POMZP3: variants seen among roughly 807,000 people sequenced by gnomAD.
The protein encoded by POMZP3 is POM121 and ZP3 fusion protein.
POMZP3 carries 10 observed loss-of-function variants against 19.8 expected under a neutral mutation model. The observed-to-expected ratio is 0.51, with a 90% CI of 0.31 to 0.86. The LOEUF is 0.86. Ranked by LOEUF, POMZP3 falls within the 40% of genes least tolerant of loss-of-function variation. POMZP3 has a pLI of 0.04. For synonymous variants in POMZP3, 57 were observed against 85.8 expected, an observed-to-expected ratio of 0.66 and a Z score of 1.85; for missense variants, 152 against 228.1, an observed-to-expected ratio of 0.67 and a Z score of 2.15.
At chr7:76,618,875 C>T (rs1220331508) in intron 3 of POMZP3, among the ~76,000 whole-genome samples, 5 of 151,876 alleles carry the variant, frequency 3.3e-5, no homozygotes, top group African/African-American at 9.7e-5. Flanking sequence ...GCAGCCTCGA[C>T]CTCCTGGGTT....
At chr7:76,625,052 G>A (rs1374491246) in intron 3 of POMZP3, among the ~76,000 whole-genome samples, 3 of 145,040 alleles carry the variant, frequency 2.1e-5, no homozygotes, top group Non-Finnish European at 4.5e-5. Flanking sequence ...AGAATGGCAT[G>A]AACCTGGGAG....
intron 4 of POMZP3, among the ~76,000 whole-genome samples, chr7:76,617,262 G>C (rs1361769844): frequency 1.2e-5 from 1 of 83,852 alleles, no homozygotes; most frequent in Non-Finnish European, 2.3e-5. Context: ...CACCGCACCA[G>C]GCAATTTACT....
chr7:76,625,632 T>C lies in POMZP3; in HGVS notation c.117A>G (p.Pro39=), dbSNP rs1815837415. The C allele has an allele frequency of 1.2e-6, 2 of 1,613,872 alleles. No homozygotes were observed. The highest frequency in any genetic ancestry group is 4.5e-5 in the East Asian group (2 of 44,862). The change falls in exon 3 of 7, where the codon CCA becomes CCG. Residue 39 remains proline (P), a synonymous_variant. Transcript: ENST00000310842. ...GTACAGTCTCCTTTGCACATGGGTC[T>C]GGGGCATTACTTGATGGTGAGGACA... ...STLSSPSSNA[P]DPCAKETVLS... is the part of the protein sequence containing the mutation.
intron 6 of POMZP3, among the ~76,000 whole-genome samples, 160 bp from the exon 7 acceptor site, chr7:76,610,375 G>T (rs1432859542): frequency 3.3e-5 from 5 of 152,126 alleles, no homozygotes; most frequent in Admixed American, 1.3e-4. Flanking sequence ...TCTCGGCCAG[G>T]TGTGATGGCT....
chr7:76,618,840 T>A (rs1815392354), intron 3 of POMZP3, among the ~76,000 whole-genome samples: 1 of 151,504 alleles, frequency 6.6e-6, no homozygotes. Context: ...CAGGCTGGAG[T>A]ACAGTGGCGT....
At chr7:76,613,462 CA>C (rs1375189257) in intron 4 of POMZP3, among the ~76,000 whole-genome samples, 1 of 127,788 alleles carries the variant, frequency 7.8e-6, no homozygotes, top group East Asian at 2.4e-4. Context: ...GGACCCCCCC[CA>C]CCCAGGGAAT....
Position 76,618,477 on chromosome 7 carries a change from C to G in POMZP3, c.228-177G>C. ...TCTCTACTAAAAATACAAAAATTAG[C>G]TGGGTGCAGCAGTGCACACCTGTAA... On this transcript the variant is annotated intron_variant, in intron 3 of 6. Coordinates refer to ENST00000310842, the MANE Select transcript of POMZP3 (RefSeq NM_012230.5). The G allele has an allele frequency of 3.3e-6, 3 of 909,282 alleles. No homozygotes were observed. In the South Asian group the frequency reaches 4.7e-5, roughly 14 times the overall value. The allele number at this position is 909,282 out of a possible 1,614,324, so 56.3% of individuals were successfully genotyped here.
intron 2 of POMZP3, 69 bp downstream of exon 2, chr7:76,625,931 A>G: frequency 1.9e-6 from 3 of 1,600,010 alleles, no homozygotes; most frequent in Non-Finnish European, 2.6e-6. Flanking sequence ...TCATGTTGTC[A>G]TAGGAACAAC....
At chr7:76,616,158 C>T (rs1464530087) in intron 4 of POMZP3, among the ~76,000 whole-genome samples, 1 of 138,184 alleles carries the variant, frequency 7.2e-6, no homozygotes, top group Non-Finnish European at 1.6e-5. Context: ...GTGGCAGGCG[C>T]CTGCAATCCC....
intron 4 of POMZP3, chr7:76,615,471 A>G (rs1334998396): frequency 1.1e-5 from 1 of 87,028 alleles, no homozygotes; most frequent in Non-Finnish European, 2.3e-5. Flanking sequence ...CTGTGTGTTG[A>G]TCTTTCTCTT....
rs1361634184 is a variant in POMZP3 at position 76,625,117 on chromosome 7, A to C, written c.227+405T>G. Among the ~76,000 whole-genome samples, 12 of 123,828 alleles carry C rather than the reference A, an allele frequency of 9.7e-5. No individual in the cohort carries two copies. In the Admixed American group the frequency reaches 1.0e-3, roughly 10 times the overall value. The allele number at this position is 123,828 out of a possible 152,430, so 81.2% of individuals were successfully genotyped here. On this transcript the variant is annotated intron_variant, in intron 3 of 6. Transcript: ENST00000310842. ...CACTGCACTCCAGCCTGGGGGACAG[A>C]GACAGACTCCAACTCAAAAAAAAAA... is the stretch of plus-strand genomic sequence containing the variant.
intron 6 of POMZP3, 40 bp from the exon 7 acceptor site, chr7:76,610,255 C>T (rs1363694253): frequency 6.2e-7 from 1 of 1,613,720 alleles, no homozygotes; most frequent in Non-Finnish European, 8.5e-7. Context: ...CATCTTAGTC[C>T]CTAACCGGGA....
In POMZP3 at chr7:76,626,162, G is replaced by A. The variant is rs557696661; in HGVS notation, c.-98C>T. On this transcript the variant is annotated 5_prime_UTR_variant, in exon 2 of 7. Transcript: ENST00000310842. ...ACAGGAATACTGGGCCTGATGGATC[G>A]GATAGCGTCTTCGAGGTGTTATTAC... The A allele has an allele frequency of 7.5e-6, 12 of 1,601,916 alleles. No individual in the cohort carries two copies. Among genetic ancestry groups the A allele is most frequent in the Non-Finnish European group, 1.0e-5 (12 of 1,173,862 alleles).
intron 6 of POMZP3, among the ~76,000 whole-genome samples, chr7:76,610,670 G>GA (rs1209736460): frequency 6.7e-6 from 1 of 149,872 alleles, no homozygotes; most frequent in Non-Finnish European, 1.5e-5. Context: ...GGAGGGGGAA[G>GA]AAAAAAGAAA....
In POMZP3 at chr7:76,610,268, T is replaced by C. The variant is rs958965857; in HGVS notation, c.*12-53A>G. 59 of 1,613,154 alleles carry C rather than the reference T, an allele frequency of 3.7e-5. No individual in the cohort carries two copies. In the Admixed American group the frequency reaches 9.7e-4, roughly 26 times the overall value. On this transcript the variant is annotated intron_variant, in intron 6 of 6. Coordinates refer to ENST00000310842, the MANE Select transcript of POMZP3 (RefSeq NM_012230.5). ...GTCATCTTAGTCCCTAACCGGGAAC[T>C]GGGTTGGAGGTTTTATTCTGCCTCA...
intron 3 of POMZP3, chr7:76,618,683 G>T (rs1815383480): frequency 5.0e-6 from 1 of 199,972 alleles, no homozygotes; most frequent in Non-Finnish European, 1.0e-5. Context: ...GCACCCATTT[G>T]TGTTTTTTAA....
intron 3 of POMZP3, among the ~76,000 whole-genome samples, chr7:76,621,990 A>G (rs1437431120): frequency 7.4e-6 from 1 of 134,244 alleles, no homozygotes; most frequent in Non-Finnish European, 1.6e-5. Context: ...GTTGCAGTGA[A>G]GAAGCCGGTT....
intron 3 of POMZP3, among the ~76,000 whole-genome samples, chr7:76,619,520 C>T (rs530663890): frequency 0.053 from 7,996 of 150,902 alleles, 543 homozygotes; most frequent in African/African-American, 0.18. Context: ...GGGGCAGTGG[C>T]AGGAGCAGCG....
chr7:76,618,849 G>T (rs1457132168), intron 3 of POMZP3, among the ~76,000 whole-genome samples: 1 of 151,436 alleles, frequency 6.6e-6, no homozygotes, highest in Non-Finnish European at 1.5e-5. Context: ...GTACAGTGGC[G>T]TGATCATAGC....
Sources: allele counts gnomAD v4.1 joint callset (sites outside exome capture counted in the v4.1 genomes callset), GRCh38; gene constraint gnomAD v4.1.1; transcripts MANE v1.5; gene names NCBI Gene and HGNC (gene_info 2026-07-23, HGNC 2026-07-21).